RUNX1: variants seen among roughly 807,000 people sequenced by gnomAD.
RUNX1 encodes RUNX family transcription factor 1.
A neutral mutation model predicts 42.8 loss-of-function variants in RUNX1; 19 were observed. The ratio of observed to expected loss-of-function variants is 0.44; its 90% CI spans 0.31 to 0.65. RUNX1 has a LOEUF of 0.65. Among genes scored for constraint, RUNX1 ranks in the 30% least tolerant of loss-of-function variants. The probability of loss-of-function intolerance (pLI) is 0.07; values close to 1 mark genes in which losing one functional copy is unlikely to be tolerated. For synonymous variants in RUNX1, 271 were observed against 289.4 expected, an observed-to-expected ratio of 0.94 and a Z score of 0.64; for missense variants, 528 against 672.0, an observed-to-expected ratio of 0.79 and a Z score of 2.37.
chr21:34,901,371 G>T lies in RUNX1; in HGVS notation c.59-8408C>A, dbSNP rs753718567. On this transcript the variant is annotated intron_variant, in intron 2 of 8. Transcript: ENST00000675419. The surrounding 1 kb of genome is among the most constrained non-coding windows in gnomAD (Gnocchi z 4.3). ...CTGAAAATAAAAAAAGTAGCTGGGCGTGGTGGCGGCGCGTGCCTGTAGTCC... is the reference window on the plus strand; with the variant it reads ...CTGAAAATAAAAAAAGTAGCTGGGCTTGGTGGCGGCGCGTGCCTGTAGTCC... Among the ~76,000 whole-genome samples, 1 of 152,088 alleles carries T rather than the reference G, an allele frequency of 6.6e-6. No homozygotes were observed. The highest frequency in any genetic ancestry group is 1.5e-5 in the Non-Finnish European group (1 of 68,008).
intron 5 of RUNX1, among the ~76,000 whole-genome samples, chr21:34,864,616 G>T (rs1170019752): frequency 1.3e-5 from 2 of 152,180 alleles, no homozygotes; most frequent in East Asian, 3.9e-4. Context: ...GTTCCAGAGG[G>T]GGCCACCACG....
intron 3 of RUNX1, among the ~76,000 whole-genome samples, chr21:34,890,376 G>C (rs2058066867): frequency 6.6e-6 from 1 of 152,224 alleles, no homozygotes; most frequent in Non-Finnish European, 1.5e-5. Context: ...CACTTGAGCT[G>C]GAACGGCCAA....
At chr21:35,032,630 G>A (rs1187700831) in intron 2 of RUNX1, among the ~76,000 whole-genome samples, 1 of 152,218 alleles carries the variant, frequency 6.6e-6, no homozygotes, top group Non-Finnish European at 1.5e-5. Context: ...TGACTGTGGT[G>A]TTTCTCACAT....
intron 2 of RUNX1, among the ~76,000 whole-genome samples, chr21:34,912,009 T>G (rs963749498): frequency 3.9e-5 from 6 of 151,966 alleles, no homozygotes; most frequent in African/African-American, 1.2e-4. Context: ...TTGTCTTATT[T>G]GATTTCTGTG....
Position 34,936,407 on chromosome 21 carries a change from T to C in RUNX1, c.59-43444A>G, listed in dbSNP as rs1197680814. Among the ~76,000 whole-genome samples the C allele has an allele frequency of 3.9e-5, 6 of 152,214 alleles. No individual in the cohort carries two copies. The South Asian group carries it at 1.2e-3, about 32-fold the overall frequency. On this transcript the variant is annotated intron_variant, in intron 2 of 8. Coordinates refer to ENST00000675419, the MANE Select transcript of RUNX1 (RefSeq NM_001754.5). ...TTTAAAGAAGAAAACAGAAACCACA[T>C]GAAGGAATGAGACTTGCTGGCGAGA... is the stretch of plus-strand genomic sequence containing the variant.
In RUNX1 at chr21:34,901,240, G is replaced by A. The variant is rs2058174932; in HGVS notation, c.59-8277C>T. ...AAGATAACAGTTTCTGGCTGGTCAC[G>A]GTGGGTCACGCCTGTAATCCCAGCA... On this transcript the variant is annotated intron_variant, in intron 2 of 8. Transcript: ENST00000675419. The surrounding 1 kb of genome is among the most constrained non-coding windows in gnomAD (Gnocchi z 4.3). Among the ~76,000 whole-genome samples the A allele has an allele frequency of 6.6e-6, 1 of 152,192 alleles. No individual in the cohort carries two copies. Among genetic ancestry groups the A allele is most frequent in the South Asian group, 2.1e-4 (1 of 4,806 alleles).
chr21:34,881,565 CTG>C (rs1219379652), intron 4 of RUNX1, among the ~76,000 whole-genome samples: 5 of 152,232 alleles, frequency 3.3e-5, no homozygotes, highest in African/African-American at 1.2e-4. Flanking sequence ...ATTTTTGTAT[CTG>C]TGAGTCTCAG....
chr21:35,034,740 C>G (rs190991010), intron 2 of RUNX1, among the ~76,000 whole-genome samples: 1 of 152,148 alleles, frequency 6.6e-6, no homozygotes, highest in Non-Finnish European at 1.5e-5. Flanking sequence ...GTGGCGAGGT[C>G]GGGAAACCCT....
Position 34,792,303 on chromosome 21 carries a change from C to CGGGG in RUNX1, c.1274_1275insCCCC (p.Arg427AlafsTer174). 2.7e-4 allele frequency: 414 copies of CGGGG among 1,534,596 alleles called. No individual in the cohort carries two copies. Among genetic ancestry groups the CGGGG allele is most frequent in the East Asian group, 1.1e-3 (45 of 40,128 alleles). On this transcript the variant is annotated frameshift_variant, in exon 9 of 9. Transcript: ENST00000675419. LOFTEE classifies it high-confidence loss of function. This position sits in a 1 kb window ranked among gnomAD's most constrained non-coding sequence, Gnocchi z 6.9. ...TGGTGCAGGGCGGCAGGATGCGCGG[C>CGGGG]GGCGAGCGCTCGCCGCCCACCATGG... is the stretch of plus-strand genomic sequence containing the variant.
intron 5 of RUNX1, among the ~76,000 whole-genome samples, chr21:34,878,629 T>C (rs751427451): frequency 6.6e-6 from 1 of 152,100 alleles, no homozygotes; most frequent in Non-Finnish European, 1.5e-5. Flanking sequence ...CTCAAGGGCA[T>C]ACTGGCACGA....
At chr21:34,866,158 G>A (rs1347008510) in intron 5 of RUNX1, among the ~76,000 whole-genome samples, 1 of 152,192 alleles carries the variant, frequency 6.6e-6, no homozygotes, top group Non-Finnish European at 1.5e-5. Context: ...TCACGCAAAG[G>A]AAGGCTGCAG....
chr21:34,825,677 A>G (rs961741203), intron 7 of RUNX1, among the ~76,000 whole-genome samples: 1 of 152,210 alleles, frequency 6.6e-6, no homozygotes, highest in Non-Finnish European at 1.5e-5. Context: ...ACAAAGATAC[A>G]GCAGTTTGAA....
intron 2 of RUNX1, among the ~76,000 whole-genome samples, chr21:34,945,522 C>A (rs191349767): frequency 5.9e-5 from 9 of 152,326 alleles, no homozygotes; most frequent in African/African-American, 1.9e-4. Context: ...CTTTTTACTC[C>A]CACTGCTCTC....
chr21:34,991,723 T>C (rs2058942984), intron 2 of RUNX1, among the ~76,000 whole-genome samples: 1 of 152,164 alleles, frequency 6.6e-6, no homozygotes, highest in South Asian at 2.1e-4. Flanking sequence ...TGTGTAGTGT[T>C]CCCCAAAGTT....
At chr21:34,993,476 A>ACAAT (rs2058961483) in intron 2 of RUNX1, among the ~76,000 whole-genome samples, 1 of 151,382 alleles carries the variant, frequency 6.6e-6, no homozygotes, top group South Asian at 2.1e-4. Flanking sequence ...GAGTCAGAGG[A>ACAAT]CAATGTCTGT....
rs144016863 is a variant in RUNX1 at position 34,979,131 on chromosome 21, C to G, written c.58+69711G>C. ...TCAAGCACAGCTGACTGGGAACTGT[C>G]AAGTCTGGAGGATGCTGCATATATT... On this transcript the variant is annotated intron_variant, in intron 2 of 8. Coordinates refer to ENST00000675419, the MANE Select transcript of RUNX1 (RefSeq NM_001754.5). Among the ~76,000 whole-genome samples the G allele has an allele frequency of 3.9e-5, 6 of 152,278 alleles. No individual in the cohort carries two copies. In the East Asian group the frequency reaches 1.2e-3, roughly 29 times the overall value.
chr21:35,014,736 T>C (rs2059148045), intron 2 of RUNX1, among the ~76,000 whole-genome samples: 1 of 152,252 alleles, frequency 6.6e-6, no homozygotes, highest in Admixed American at 6.5e-5. Context: ...CTCAGAGCTC[T>C]GCTTTCCAGC....
In RUNX1 at chr21:34,792,445, T is replaced by G. The variant is rs763216991; in HGVS notation, c.1133A>C (p.His378Pro). 1 of 1,574,670 alleles carries G rather than the reference T, an allele frequency of 6.4e-7. No individual in the cohort carries two copies. The highest frequency in any genetic ancestry group is 1.2e-5 in the South Asian group (1 of 86,134). Reference protein sequence around the residue: ...MSAMGSATRYHTYLPPPYPGS... With the variant: ...MSAMGSATRYPTYLPPPYPGS... ...GGGGTAGGGCGGCGGCAGGTAGGTG[T>G]GGTAGCGCGTGGCCGAGCCCATGGC... Residue 378 changes from histidine (H) to proline (P), a missense_variant, in exon 9 of 9, where the codon CAC (histidine) becomes CCC (proline). Physicochemically the swap from His to Pro is moderately conservative, Grantham distance 77. Transcript: ENST00000675419. This position sits in a 1 kb window ranked among gnomAD's most constrained non-coding sequence, Gnocchi z 6.9.
intron 2 of RUNX1, among the ~76,000 whole-genome samples, chr21:34,934,069 C>T (rs2058467524): frequency 1.3e-5 from 2 of 152,138 alleles, no homozygotes; most frequent in Admixed American, 1.3e-4. Context: ...AGATAAGTTG[C>T]TTGCCTTTGT....
Sources: gnomAD v4.1 joint callset for allele counts (sites outside exome capture counted in the v4.1 genomes callset) on GRCh38, gnomAD v4.1.1 for gene constraint, Gnocchi (gnomAD v3.1) non-coding constraint, MANE v1.5 for transcripts, NCBI Gene and HGNC (gene_info 2026-07-23, HGNC 2026-07-21) for gene names.